The following PKN2 variants were observed in gnomAD, a reference collection of about 807,000 sequenced individuals.
The protein encoded by PKN2 is protein kinase N2.
PKN2 carries 38 observed loss-of-function variants against 119.1 expected under a neutral mutation model. The observed-to-expected ratio is 0.32, with a 90% confidence interval of 0.25 to 0.42. The LOEUF (loss-of-function observed/expected upper bound fraction) is 0.42, where lower values mean the gene tolerates loss of function less well. PKN2 is among the 10% of genes least tolerant of loss of function. The probability of loss-of-function intolerance (pLI) is 1.00; values close to 1 mark genes in which losing one functional copy is unlikely to be tolerated. For missense variants in PKN2, 850 were observed against 1,165.1 expected (o/e 0.73, Z 3.94); for synonymous variants, 390 against 384.9 (o/e 1.01, Z -0.15).
chr1:88,753,502 AC>A (rs1368382735), intron 2 of PKN2, among the ~76,000 whole-genome samples: 1 of 152,094 alleles, frequency 6.6e-6, no homozygotes, highest in African/African-American at 2.4e-5. Flanking sequence ...GTAAAGAAAT[AC>A]CCGAGACTGG....
At chr1:88,761,111 G>A (rs1436037755) in intron 3 of PKN2, among the ~76,000 whole-genome samples, 1 of 152,076 alleles carries the variant, frequency 6.6e-6, no homozygotes, top group East Asian at 1.9e-4. Context: ...GAAAATCAGT[G>A]TTATGGGGAG....
chr1:88,691,274 G>A lies in PKN2; in HGVS notation c.48+6646G>A, dbSNP rs185180346. Among the ~76,000 whole-genome samples, 46 of 151,854 alleles carry A rather than the reference G, an allele frequency of 3.0e-4. No individual in the cohort carries two copies. In the East Asian group the frequency reaches 5.4e-3, roughly 18 times the overall value. ...GAGACGGGGTTTTGCCATGTTGCCC[G>A]GGTTGGTTTTGAACTGCTGGACTCA... On this transcript the variant is annotated intron_variant, in intron 1 of 21. Coordinates refer to ENST00000370521, the MANE Select transcript of PKN2 (RefSeq NM_006256.4).
chr1:88,750,704 T>C (rs961676394), intron 2 of PKN2, among the ~76,000 whole-genome samples: 3 of 152,270 alleles, frequency 2.0e-5, no homozygotes, highest in African/African-American at 7.2e-5. Context: ...GACAGCTATC[T>C]CTAAATTTTT....
rs114139447 is a variant in PKN2, at chr1:88,762,632, T to G, written c.504+2256T>G. ...CTTATTACATAGCAGGTACTCAATA[T>G]ATAATATCCTGCTTTTAAGAGACCC... On this transcript the variant is annotated intron_variant, in intron 3 of 21. Transcript: ENST00000370521. Among the ~76,000 whole-genome samples the G allele has an allele frequency of 3.5e-3, 533 of 152,294 alleles. 6 individuals carry two copies. The highest frequency in any genetic ancestry group is 0.012 in the African/African-American group (506 of 41,564).
intron 8 of PKN2, among the ~76,000 whole-genome samples, chr1:88,803,189 C>T (rs955882990): frequency 2.0e-5 from 3 of 152,102 alleles, no homozygotes; most frequent in African/African-American, 4.8e-5. Context: ...CTGCCATAGA[C>T]GTATTTTTCT....
chr1:88,691,930 A>G (rs1053249976), intron 1 of PKN2, among the ~76,000 whole-genome samples: 6 of 152,222 alleles, frequency 3.9e-5, no homozygotes, highest in African/African-American at 1.4e-4. Context: ...TTTATAAATT[A>G]AACTTTAGCA....
chr1:88,817,432 G>A (rs945986204), intron 16 of PKN2, among the ~76,000 whole-genome samples: 1 of 150,344 alleles, frequency 6.7e-6, no homozygotes, highest in Non-Finnish European at 1.5e-5. Context: ...AAAAGGCCGG[G>A]TGAGGTGGCT....
At chr1:88,785,990 G>T in intron 7 of PKN2, 114 bp from the exon 8 acceptor site, 2 of 605,732 alleles carry the variant, frequency 3.3e-6, no homozygotes, top group Admixed American at 3.2e-5. Flanking sequence ...TATTGATTAT[G>T]AAAAACTTTA....
At chr1:88,699,197 T>C (rs543037877) in intron 1 of PKN2, among the ~76,000 whole-genome samples, 1 of 152,306 alleles carries the variant, frequency 6.6e-6, no homozygotes, top group African/African-American at 2.4e-5. Context: ...TTCTATGTCT[T>C]TAAACTTACC....
In PKN2 at chr1:88,822,579, CTTTT is replaced by C. The variant is rs1248235815; in HGVS notation, c.2342+590_2342+593del. ...GACTATAAACATTGGATTATTTAAG[CTTTT>C]TTTTTTTTTTTTTGAGACGGAGTTT... On this transcript the variant is annotated intron_variant, in intron 17 of 21. Coordinates refer to ENST00000370521, the MANE Select transcript of PKN2 (RefSeq NM_006256.4). Among the ~76,000 whole-genome samples, 10 of 135,072 alleles carry C rather than the reference CTTTT, an allele frequency of 7.4e-5. No homozygotes were observed. The East Asian group carries it at 1.1e-3, about 14-fold the overall frequency. The allele number at this position is 135,072 out of a possible 152,430, so 88.6% of individuals were successfully genotyped here.
At chr1:88,743,820 A>G (rs1272479479) in intron 2 of PKN2, among the ~76,000 whole-genome samples, 1 of 150,234 alleles carries the variant, frequency 6.7e-6, no homozygotes, top group Non-Finnish European at 1.5e-5. Flanking sequence ...TAAATAACTT[A>G]GAAAACAAAG....
chr1:88,718,194 C>T (rs1216551387), intron 1 of PKN2, among the ~76,000 whole-genome samples: 1 of 152,186 alleles, frequency 6.6e-6, no homozygotes, highest in African/African-American at 2.4e-5. Context: ...GAAGCTTTGT[C>T]TCAGAGGGGC....
intron 6 of PKN2, among the ~76,000 whole-genome samples, chr1:88,778,715 T>C (rs1294868125): frequency 2.0e-5 from 3 of 151,814 alleles, no homozygotes; most frequent in Non-Finnish European, 4.4e-5. Context: ...CTTCAAAGAT[T>C]TTCTTTTTTT....
Position 88,834,244 on chromosome 1 carries a change from T to C in PKN2, c.*796T>C, listed in dbSNP as rs1016028948. 1 of 152,116 alleles carries C rather than the reference T, an allele frequency of 6.6e-6. No individual in the cohort carries two copies. Among genetic ancestry groups the C allele is most frequent in the Non-Finnish European group, 1.5e-5 (1 of 67,944 alleles). The allele number at this position is 152,116 out of a possible 1,614,324, so 9.4% of individuals were successfully genotyped here. A position where few individuals can be genotyped will look rare whatever the true frequency, so the allele number is the denominator to read the frequency against. Reference sequence around the variant, plus strand: ...CCTGTATGCATTCCCAAAGTCTAGATGCTCAGTATGTTCAGTCATATCTTT... The same window carrying C: ...CCTGTATGCATTCCCAAAGTCTAGACGCTCAGTATGTTCAGTCATATCTTT... On this transcript the variant is annotated 3_prime_UTR_variant, in exon 22 of 22. Transcript: ENST00000370521.
chr1:88,731,767 C>T (rs1372297756), intron 1 of PKN2, among the ~76,000 whole-genome samples: 1 of 152,136 alleles, frequency 6.6e-6, no homozygotes, highest in African/African-American at 2.4e-5. Context: ...GGGAACTGGG[C>T]CAGTGAGGAG....
intron 18 of PKN2, among the ~76,000 whole-genome samples, chr1:88,825,770 C>G (rs1672476149): frequency 6.6e-6 from 1 of 152,150 alleles, no homozygotes; most frequent in African/African-American, 2.4e-5. Flanking sequence ...AAATACAGAT[C>G]GGACCATGGC....
chr1:88,809,976 AAGAG>A (rs1387297941), intron 15 of PKN2, among the ~76,000 whole-genome samples: 1 of 152,188 alleles, frequency 6.6e-6, no homozygotes, highest in Non-Finnish European at 1.5e-5. Flanking sequence ...CTGGTATAAA[AAGAG>A]AGAAAAGAAA....
intron 3 of PKN2, among the ~76,000 whole-genome samples, chr1:88,767,309 T>C (rs1669701883): frequency 1.3e-5 from 2 of 152,230 alleles, no homozygotes; most frequent in Non-Finnish European, 2.9e-5. Context: ...TCCAAGTTTA[T>C]ATATAATAAG....
intron 1 of PKN2, among the ~76,000 whole-genome samples, chr1:88,686,979 C>G (rs1426972727): frequency 6.6e-6 from 1 of 152,068 alleles, no homozygotes; most frequent in Non-Finnish European, 1.5e-5. Context: ...AAAACTGTTA[C>G]TTTGCTATGT....
Sources: allele counts gnomAD v4.1 joint callset (sites outside exome capture counted in the v4.1 genomes callset), GRCh38; gene constraint gnomAD v4.1.1; transcripts MANE v1.5; gene names NCBI Gene and HGNC (gene_info 2026-07-23, HGNC 2026-07-21).